Variants in UPF1 observed in about 807,000 individuals in gnomAD.
The protein encoded by UPF1 is UPF1 RNA helicase and ATPase.
Under a neutral mutation model 129.2 loss-of-function variants are expected in UPF1, and 9 were observed. That is an observed-to-expected ratio of 0.07 (90% confidence interval 0.04 to 0.12). UPF1 has a LOEUF of 0.12. Ranked by LOEUF, UPF1 falls within the 10% of genes least tolerant of loss-of-function variation. The pLI is 1.00. For synonymous variants in UPF1, 649 were observed against 644.9 expected, an observed-to-expected ratio of 1.01 and a Z score of -0.10; for missense variants, 788 against 1,525.3, an observed-to-expected ratio of 0.52 and a Z score of 8.05.
intron 11 of UPF1, 56 bp from the exon 12 acceptor site, chr19:18,855,869 C>T (rs1252245934): frequency 1.3e-6 from 2 of 1,591,514 alleles, no homozygotes; most frequent in African/African-American, 1.3e-5. Context: ...TCTTGGCTTA[C>T]TACGTTCACC....
Position 18,857,458 on chromosome 19 carries a change from CG to C in UPF1, c.2109del (p.Met704CysfsTer28), listed in dbSNP as rs1278822366. Reference protein sequence around the residue: ...IRPIRLQVQYRMHPALSAFPS... With the variant: ...IRPIRLQVQYXMHPALSAFPS... ...GCCCATCCGCCTGCAGGTCCAGTAC[CG>C]GATGCACCCTGCACTCAGCGCCTTC... On this transcript the variant is annotated frameshift_variant, in exon 15 of 24. Coordinates refer to ENST00000262803, the MANE Select transcript of UPF1 (RefSeq NM_002911.4). LOFTEE classifies it high-confidence loss of function. 1 of 1,613,902 alleles carries C rather than the reference CG, an allele frequency of 6.2e-7. No individual in the cohort carries two copies. The highest frequency in any genetic ancestry group is 8.5e-7 in the Non-Finnish European group (1 of 1,180,014).
chr19:18,832,121 G>T lies in UPF1; in HGVS notation c.-89G>T. 2 of 1,239,520 alleles carry T rather than the reference G, an allele frequency of 1.6e-6. No homozygotes were observed. Among genetic ancestry groups the T allele is most frequent in the Non-Finnish European group, 2.1e-6 (2 of 955,626 alleles). 76.8% of individuals were successfully genotyped at this position (1,239,520 alleles called of 1,614,324 possible). ...CGGGCGCGCGGGGGCGACAGCGGCA[G>T]CGACCCGAGGCCTGCGGCCTAGGCC... On this transcript the variant is annotated 5_prime_UTR_variant, in exon 1 of 24. Transcript: ENST00000262803. This position sits in a 1 kb window ranked among gnomAD's most constrained non-coding sequence, Gnocchi z 5.6.
chr19:18,846,856 G>A (rs1238257716), intron 2 of UPF1, among the ~76,000 whole-genome samples: 1 of 152,224 alleles, frequency 6.6e-6, no homozygotes, highest in Non-Finnish European at 1.5e-5. Flanking sequence ...CAAGCATGGT[G>A]GCGGGCGCCT....
intron 9 of UPF1, 71 bp from the exon 10 acceptor site, chr19:18,854,808 C>T (rs2055697847): frequency 6.2e-7 from 1 of 1,606,396 alleles, no homozygotes; most frequent in South Asian, 1.1e-5. Flanking sequence ...CCCCACCCAG[C>T]TCTGCAAACT....
chr19:18,857,303 G>A lies in UPF1; in HGVS notation c.1969-17G>A. 1 of 1,599,346 alleles carries A rather than the reference G, an allele frequency of 6.3e-7. No individual in the cohort carries two copies. The highest frequency in any genetic ancestry group is 8.5e-7 in the Non-Finnish European group (1 of 1,173,764). On this transcript the variant is annotated splice_polypyrimidine_tract_variant and intron_variant, in intron 14 of 23. Transcript: ENST00000262803. Reference sequence around the variant, plus strand: ...ACACCTGAGCTTCTTGACTTGTGGGGGCCCCTGTTCCTACAGCTGATCCTT... The same window carrying A: ...ACACCTGAGCTTCTTGACTTGTGGGAGCCCCTGTTCCTACAGCTGATCCTT...
rs773903013 is a variant in UPF1 at position 18,850,284 on chromosome 19, T to G, written c.629+42T>G. 1.8e-5 allele frequency: 27 copies of G among 1,528,218 alleles called. No individual in the cohort carries two copies. Among genetic ancestry groups the G allele is most frequent in the Non-Finnish European group, 2.4e-5 (27 of 1,139,758 alleles). The allele number at this position is 1,528,218 out of a possible 1,614,324, so 94.7% of individuals were successfully genotyped here. ...TGTCTCCTGGGGGTGACCTTTAAGC[T>G]CCAGCCGTCTCCTCACAAGCCTTGG... On this transcript the variant is annotated intron_variant, in intron 4 of 23. Transcript: ENST00000262803. The surrounding 1 kb of genome is among the most constrained non-coding windows in gnomAD (Gnocchi z 7.1).
At position 18,861,332 on chromosome 19, in the gene UPF1, G is replaced by C. The variant is rs2055776742; in HGVS notation, c.2457+350G>C. On this transcript the variant is annotated intron_variant, in intron 17 of 23. Coordinates refer to ENST00000262803, the MANE Select transcript of UPF1 (RefSeq NM_002911.4). ...TGGATGTTGTGCTGTGGAGACCGTG[G>C]TGTTCACACCTTTATTGACACCCGG... 2.0e-5 allele frequency among the ~76,000 whole-genome samples: 3 copies of C among 152,248 alleles called. No individual in the cohort carries two copies. The South Asian group carries it at 6.2e-4, about 32-fold the overall frequency.
chr19:18,863,229 T>G, intron 18 of UPF1: 1 of 583,310 alleles, frequency 1.7e-6, no homozygotes. Flanking sequence ...CTGCTTAGAG[T>G]CGGCCACAAA....
intron 1 of UPF1, among the ~76,000 whole-genome samples, chr19:18,835,402 C>G (rs556767066): frequency 6.6e-6 from 1 of 151,746 alleles, no homozygotes; most frequent in African/African-American, 2.4e-5. Flanking sequence ...GGTGCAGTGG[C>G]GTGATCTTGG....
chr19:18,832,563 C>A lies in UPF1; in HGVS notation c.231+123C>A. The stretch of plus-strand genomic sequence containing the variant: ...TCCCCCATCGCGGCCGGGCCTGGGG[C>A]GATCTGCCCCGGGTCCCCTACTCTG... On this transcript the variant is annotated intron_variant, in intron 1 of 23. Coordinates refer to ENST00000262803, the MANE Select transcript of UPF1 (RefSeq NM_002911.4). This position sits in a 1 kb window ranked among gnomAD's most constrained non-coding sequence, Gnocchi z 5.6. 1 of 701,232 alleles carries A rather than the reference C, an allele frequency of 1.4e-6. No individual in the cohort carries two copies. Among genetic ancestry groups the A allele is most frequent in the Non-Finnish European group, 1.8e-6 (1 of 569,846 alleles). 43.4% of individuals were successfully genotyped at this position (701,232 alleles called of 1,614,324 possible). A position where few individuals can be genotyped will look rare whatever the true frequency, so the allele number is the denominator to read the frequency against.
intron 1 of UPF1, among the ~76,000 whole-genome samples, chr19:18,839,256 T>A (rs2055515868): frequency 6.6e-6 from 1 of 152,084 alleles, no homozygotes; most frequent in African/African-American, 2.4e-5. Flanking sequence ...CATGCCCAAC[T>A]AATTTTTTTG....
At chr19:18,840,844 A>G (rs1190112237) in intron 1 of UPF1, among the ~76,000 whole-genome samples, 1 of 152,202 alleles carries the variant, frequency 6.6e-6, no homozygotes, top group Non-Finnish European at 1.5e-5. Flanking sequence ...ATAGCAGCTT[A>G]AGAGCCGGGT....
At chr19:18,835,018 T>G (rs111411994) in intron 1 of UPF1, among the ~76,000 whole-genome samples, 27 of 152,282 alleles carry the variant, frequency 1.8e-4, no homozygotes, top group African/African-American at 6.5e-4. Context: ...TTTAGTATAT[T>G]CAGAGTTGTG....
chr19:18,842,341 G>A (rs1400168968), intron 1 of UPF1, among the ~76,000 whole-genome samples: 11 of 152,184 alleles, frequency 7.2e-5, no homozygotes. Flanking sequence ...CAGGCTGGGT[G>A]CGCTCATGAG....
intron 20 of UPF1, 73 bp downstream of exon 20, chr19:18,864,324 A>T: frequency 7.2e-7 from 1 of 1,382,992 alleles, no homozygotes; most frequent in Non-Finnish European, 1.0e-6. Flanking sequence ...CCATGGCTGC[A>T]GCTTTAGGTG....
At chr19:18,862,549 C>T (rs922938574) in intron 18 of UPF1, among the ~76,000 whole-genome samples, 1 of 152,018 alleles carries the variant, frequency 6.6e-6, no homozygotes, top group African/African-American at 2.4e-5. Flanking sequence ...TAAAACTAGA[C>T]ATCAGGCCAG....
chr19:18,865,698 G>A lies in UPF1; in HGVS notation c.3157G>A (p.Ala1053Thr), dbSNP rs779178179. The A allele has an allele frequency of 1.4e-5, 22 of 1,613,626 alleles. No homozygotes were observed. The highest frequency in any genetic ancestry group is 4.5e-5 in the East Asian group (2 of 44,882). Residue 1053 changes from alanine (A) to threonine (T), a missense_variant, in exon 22 of 24, where the codon GCC becomes ACC. By Grantham distance (58) the Ala-to-Thr change is moderately conservative (BLOSUM62 0). Around this residue, in one of 6 missense-constraint regions of UPF1, gnomAD observed 218 missense variants for 318.1 expected, o/e 0.69. Coordinates refer to ENST00000262803, the MANE Select transcript of UPF1 (RefSeq NM_002911.4). The surrounding 1 kb of genome is among the most constrained non-coding windows in gnomAD (Gnocchi z 6.1). The stretch of plus-strand genomic sequence containing the variant: ...GGCGTCACAGCCCTTCTCTCAGGGC[G>A]CCCTGACGCAGGGCTACATCTCCAT... ...DVASQPFSQG[A>T]LTQGYISMSQ... is the part of the protein sequence containing the mutation.
At chr19:18,866,281 C>G (rs1485708280) in intron 23 of UPF1, 115 bp downstream of exon 23, 31 of 1,406,356 alleles carry the variant, frequency 2.2e-5, no homozygotes, top group Admixed American at 9.2e-5. Context: ...TGTGCTGTGC[C>G]TGGTGGGGGT....
rs1568285478 is a variant in UPF1 at position 18,866,120 on chromosome 19, G to A, written c.3314G>A (p.Arg1105Gln). The A allele has an allele frequency of 6.2e-7, 1 of 1,612,466 alleles. No individual in the cohort carries two copies. Among genetic ancestry groups the A allele is most frequent in the Non-Finnish European group, 8.5e-7 (1 of 1,179,538 alleles). ...CAGGACTCCACGTACCAGGGAGAGC[G>A]GGCTTACCAGCATGGCGGGGTGACG... ...LSQDSTYQGE[R>Q]AYQHGGVTGL... The change falls in exon 23 of 24, where the codon CGG becomes CAG. Residue 1105 changes from arginine to glutamine, a missense_variant. Arg to Gln is a conservative substitution (Grantham distance 43, BLOSUM62 1). Transcript: ENST00000262803.
Sources: allele counts gnomAD v4.1 joint callset (sites outside exome capture counted in the v4.1 genomes callset), GRCh38; gene constraint gnomAD v4.1.1; regional missense constraint gnomAD v4.1.1; non-coding constraint Gnocchi (gnomAD v3.1); transcripts MANE v1.5; gene names NCBI Gene and HGNC (gene_info 2026-07-23, HGNC 2026-07-21).